EPHB2: variants seen among roughly 807,000 people sequenced by gnomAD.
EPHB2 encodes the protein EPH receptor B2.
Under a neutral mutation model 96.4 loss-of-function variants are expected in EPHB2, and 18 were observed. That is an observed-to-expected ratio of 0.19 (90% confidence interval 0.13 to 0.28). The LOEUF (loss-of-function observed/expected upper bound fraction) is 0.28, where lower values mean the gene tolerates loss of function less well. Among genes scored for constraint, EPHB2 ranks in the 10% least tolerant of loss-of-function variants. EPHB2 has a pLI of 1.00. For missense variants in EPHB2, 989 were observed against 1,355.4 expected (o/e 0.73, Z 4.25); for synonymous variants, 506 against 534.1 (o/e 0.95, Z 0.72).
Position 22,795,373 on chromosome 1 carries a change from C to G in EPHB2, c.811+10297C>G, listed in dbSNP as rs578201214. On this transcript the variant is annotated intron_variant, in intron 3 of 15. Transcript: ENST00000374630. ...GTCGGAGGTGGCTCGCCCAGGCTCA[C>G]TCACCTTATCAGGTACATACGGAGC... Among the ~76,000 whole-genome samples, 7 of 152,334 alleles carry G rather than the reference C, an allele frequency of 4.6e-5. No individual in the cohort carries two copies. The South Asian group carries it at 1.5e-3, about 32-fold the overall frequency.
intron 3 of EPHB2, among the ~76,000 whole-genome samples, chr1:22,849,832 GC>G (rs1263165587): frequency 6.6e-6 from 1 of 152,176 alleles, no homozygotes; most frequent in Non-Finnish European, 1.5e-5. Context: ...AAAAAAAACT[GC>G]CCTGCACAGG....
rs1228729666 is a variant in EPHB2 at position 22,737,423 on chromosome 1, G to A, written c.61+26380G>A. 3.9e-5 allele frequency among the ~76,000 whole-genome samples: 6 copies of A among 152,312 alleles called. No individual in the cohort carries two copies. The East Asian group carries it at 9.6e-4, about 24-fold the overall frequency. On this transcript the variant is annotated intron_variant, in intron 1 of 15. Transcript: ENST00000374630. ...GTCATCCCACAAACTCTAGGTGGAT[G>A]TCATTCTCATCCATAAACTATAGGT...
chr1:22,714,047 A>G (rs1643229949), intron 1 of EPHB2, among the ~76,000 whole-genome samples: 1 of 152,210 alleles, frequency 6.6e-6, no homozygotes, highest in Admixed American at 6.5e-5. Flanking sequence ...AGGTCTCAAG[A>G]AAACAGCCTC....
chr1:22,867,631 G>A (rs1638522375), intron 5 of EPHB2, among the ~76,000 whole-genome samples: 1 of 152,190 alleles, frequency 6.6e-6, no homozygotes, highest in African/African-American at 2.4e-5. Context: ...CAGCACTTTG[G>A]GAGGCCAAGG....
intron 1 of EPHB2, among the ~76,000 whole-genome samples, chr1:22,774,807 C>T (rs1644425574): frequency 6.6e-6 from 1 of 152,184 alleles, no homozygotes. Context: ...GCCTAGTTCT[C>T]AGTGTTGAGG....
chr1:22,855,276 G>A (rs1187002467), intron 3 of EPHB2, among the ~76,000 whole-genome samples: 2 of 152,194 alleles, frequency 1.3e-5, no homozygotes, highest in South Asian at 2.1e-4. Flanking sequence ...TCTCCATCCA[G>A]TCAAACTCCT....
intron 1 of EPHB2, among the ~76,000 whole-genome samples, chr1:22,777,266 G>A (rs1644465710): frequency 6.6e-6 from 1 of 152,198 alleles, no homozygotes; most frequent in African/African-American, 2.4e-5. Context: ...GCAGCTTGAG[G>A]GTGGAATAGA....
intron 3 of EPHB2, among the ~76,000 whole-genome samples, chr1:22,803,210 G>T (rs1361167958): frequency 1.3e-5 from 2 of 152,140 alleles, no homozygotes; most frequent in Non-Finnish European, 2.9e-5. Context: ...AGCTGCCTGG[G>T]CCGGGCAGGA....
chr1:22,913,670 G>A lies in EPHB2; in HGVS notation c.*100G>A, dbSNP rs368971406. The A allele has an allele frequency of 6.4e-4, 1,026 of 1,603,052 alleles. No individual in the cohort carries two copies. The highest frequency in any genetic ancestry group is 8.2e-4 in the Non-Finnish European group (964 of 1,174,978). ...CTATCCACTGCAGGGCCAGCCACTC[G>A]CCAGGAGGCCACGGGCCACGGGAAG... On this transcript the variant is annotated 3_prime_UTR_variant, in exon 16 of 16. Coordinates refer to ENST00000374630, the MANE Select transcript of EPHB2 (RefSeq NM_017449.5). This position sits in a 1 kb window ranked among gnomAD's most constrained non-coding sequence, Gnocchi z 4.1.
At chr1:22,778,350 G>A (rs150924994) in intron 1 of EPHB2, among the ~76,000 whole-genome samples, 4 of 152,326 alleles carry the variant, frequency 2.6e-5, no homozygotes, top group Non-Finnish European at 5.9e-5. Context: ...TACCAAGCAA[G>A]GAAGGGACAG....
chr1:22,789,549 T>C (rs911821240), intron 3 of EPHB2, among the ~76,000 whole-genome samples: 1 of 152,184 alleles, frequency 6.6e-6, no homozygotes, highest in East Asian at 1.9e-4. Flanking sequence ...AAGCCAACCA[T>C]TCAACATGCA....
intron 5 of EPHB2, among the ~76,000 whole-genome samples, chr1:22,872,396 T>C (rs1638702083): frequency 6.6e-6 from 1 of 152,178 alleles, no homozygotes. Context: ...TCTCTCCATC[T>C]CAAGGGTCAT....
rs980925119 is a variant in EPHB2, at chr1:22,762,267, C to T, written c.62-19154C>T. Among the ~76,000 whole-genome samples, 4 of 152,302 alleles carry T rather than the reference C, an allele frequency of 2.6e-5. 1 individual carries two copies. The highest frequency in any genetic ancestry group is 1.5e-5 in the Non-Finnish European group (1 of 68,018). ...CCAGCAGCTGGTGTCCCACCAGAGA[C>T]AGGAGAAAATGGAATTGGGGCCATA... On this transcript the variant is annotated intron_variant, in intron 1 of 15. Transcript: ENST00000374630.
At chr1:22,866,117 G>A (rs562733597) in intron 5 of EPHB2, among the ~76,000 whole-genome samples, 1 of 152,144 alleles carries the variant, frequency 6.6e-6, no homozygotes, top group Non-Finnish European at 1.5e-5. Flanking sequence ...CCCACCTGAG[G>A]GCCACATGAG....
chr1:22,815,942 CAGA>C (rs1645069937), intron 3 of EPHB2, among the ~76,000 whole-genome samples: 1 of 152,164 alleles, frequency 6.6e-6, no homozygotes, highest in Non-Finnish European at 1.5e-5. Flanking sequence ...TTCTGAGAGG[CAGA>C]AGGTGTGTGG....
intron 3 of EPHB2, among the ~76,000 whole-genome samples, chr1:22,825,307 G>A (rs972781270): frequency 3.3e-5 from 5 of 152,192 alleles, no homozygotes; most frequent in Admixed American, 6.5e-5. Flanking sequence ...CTGGCATCCC[G>A]CTTTCACCAA....
At chr1:22,767,039 G>C (rs1227777157) in intron 1 of EPHB2, among the ~76,000 whole-genome samples, 2 of 152,218 alleles carry the variant, frequency 1.3e-5, no homozygotes, top group Admixed American at 6.5e-5. Context: ...GGTCTGCCAT[G>C]TTTGTGGGCT....
intron 6 of EPHB2, among the ~76,000 whole-genome samples, chr1:22,883,845 C>G (rs576870493): frequency 6.6e-6 from 1 of 152,220 alleles, no homozygotes; most frequent in Non-Finnish European, 1.5e-5. Flanking sequence ...TCACCACCTT[C>G]TCCCCGGCAT....
At position 22,809,146 on chromosome 1, in the gene EPHB2, A is replaced by T. The variant is rs1281922756; in HGVS notation, c.811+24070A>T. On this transcript the variant is annotated intron_variant, in intron 3 of 15. Transcript: ENST00000374630. The stretch of plus-strand genomic sequence containing the variant: ...CCCTTTTAAGTCCCCTGGCACCCTC[A>T]GCCCCACTTCCTGTGACCCCTGGCC... Among the ~76,000 whole-genome samples, 3 of 152,264 alleles carry T rather than the reference A, an allele frequency of 2.0e-5. No individual in the cohort carries two copies. The East Asian group carries it at 5.8e-4, about 29-fold the overall frequency.
Sources: gnomAD v4.1 joint callset for allele counts (sites outside exome capture counted in the v4.1 genomes callset) on GRCh38, gnomAD v4.1.1 for gene constraint, Gnocchi (gnomAD v3.1) non-coding constraint, MANE v1.5 for transcripts, NCBI Gene and HGNC (gene_info 2026-07-23, HGNC 2026-07-21) for gene names.